Variants in AGAP1 observed in about 807,000 individuals in gnomAD.
The protein encoded by AGAP1 is ArfGAP with GTPase domain, ankyrin repeat and PH domain 1.
AGAP1 carries 29 observed loss-of-function variants against 105.3 expected under a neutral mutation model. The observed-to-expected ratio is 0.28, with a 90% CI of 0.21 to 0.38. The LOEUF is 0.38. Among genes scored for constraint, AGAP1 ranks in the 10% least tolerant of loss-of-function variants. AGAP1 has a pLI of 1.00. For synonymous variants in AGAP1, 509 were observed against 485.9 expected (o/e 1.05, Z -0.63); for missense variants, 998 against 1,165.1 (o/e 0.86, Z 2.09).
chr2:235,524,334 G>T (rs1942747025), intron 1 of AGAP1: 1 of 170,550 alleles, frequency 5.9e-6, no homozygotes, highest in Non-Finnish European at 1.4e-5. Flanking sequence ...ATCCGGTTTG[G>T]CAGGAACAGG....
At chr2:235,528,122 T>A (rs1942911141) in intron 1 of AGAP1, among the ~76,000 whole-genome samples, 1 of 152,206 alleles carries the variant, frequency 6.6e-6, no homozygotes, top group South Asian at 2.1e-4. Flanking sequence ...AGAAATTTGT[T>A]TTTAACAATA....
At chr2:235,539,363 T>C (rs1360720321) in intron 1 of AGAP1, among the ~76,000 whole-genome samples, 1 of 152,190 alleles carries the variant, frequency 6.6e-6, no homozygotes, top group East Asian at 1.9e-4. Flanking sequence ...TAGGGAGCTT[T>C]CTGATTGAAT....
chr2:235,633,337 T>G lies in AGAP1; in HGVS notation c.164-75842T>G, dbSNP rs1248704732. On this transcript the variant is annotated intron_variant, in intron 1 of 17. Transcript: ENST00000304032. This position sits in a 1 kb window ranked among gnomAD's most constrained non-coding sequence, Gnocchi z 4.8. ...GGCCGGGCGTGGTGGCTCATGCCTG[T>G]AATCCTAGCACTTTGGGAGGCCAAG... 1.3e-5 allele frequency among the ~76,000 whole-genome samples: 2 copies of G among 152,160 alleles called. No homozygotes were observed. Among genetic ancestry groups the G allele is most frequent in the Non-Finnish European group, 1.5e-5 (1 of 68,028 alleles).
chr2:236,066,928 A>G (rs1273996002), intron 16 of AGAP1, among the ~76,000 whole-genome samples: 1 of 152,212 alleles, frequency 6.6e-6, no homozygotes, highest in Non-Finnish European at 1.5e-5. Context: ...CCTGGCTACT[A>G]TCACTCAAAA....
intron 9 of AGAP1, among the ~76,000 whole-genome samples, chr2:235,813,408 C>T (rs1298846606): frequency 1.3e-5 from 2 of 152,234 alleles, no homozygotes; most frequent in Non-Finnish European, 2.9e-5. Flanking sequence ...AACAGAATGG[C>T]GTTTCCAAGA....
intron 9 of AGAP1, among the ~76,000 whole-genome samples, chr2:235,868,948 G>T (rs1009897690): frequency 3.4e-4 from 52 of 152,172 alleles, no homozygotes; most frequent in African/African-American, 1.2e-3. Context: ...CTTAAAGCAA[G>T]ATGTGCCTGC....
intron 10 of AGAP1, among the ~76,000 whole-genome samples, chr2:235,895,318 C>A (rs924859193): frequency 4.6e-5 from 7 of 150,904 alleles, no homozygotes; most frequent in African/African-American, 1.7e-4. Flanking sequence ...GATGTCCGTG[C>A]CCCTGCTCTT....
At position 235,750,279 on chromosome 2, in the gene AGAP1, G is replaced by C; in HGVS notation, c.539-75G>C. 3.1e-6 allele frequency: 5 copies of C among 1,587,432 alleles called. No homozygotes were observed. In the South Asian group the frequency reaches 4.5e-5, roughly 14 times the overall value. On this transcript the variant is annotated intron_variant, in intron 5 of 17. Transcript: ENST00000304032. This position sits in a 1 kb window ranked among gnomAD's most constrained non-coding sequence, Gnocchi z 5.3. ...CTGCTGAGTAAGGTACTGGTTTTCC[G>C]TGTTGTGGGGAGTGTAGGAAGTATT...
intron 6 of AGAP1, among the ~76,000 whole-genome samples, chr2:235,795,264 A>G (rs1006708338): frequency 6.6e-6 from 1 of 152,170 alleles, no homozygotes; most frequent in Non-Finnish European, 1.5e-5. Flanking sequence ...TTCCCCAAAC[A>G]ATTCATTTAG....
In AGAP1 at chr2:235,789,673, A is replaced by AGG. The variant is rs1956859598; in HGVS notation, c.674-8085_674-8084dup. 6.6e-6 allele frequency among the ~76,000 whole-genome samples: 1 copy of AGG among 152,144 alleles called. No homozygotes were observed. The highest frequency in any genetic ancestry group is 6.5e-5 in the Admixed American group (1 of 15,270). On this transcript the variant is annotated intron_variant, in intron 6 of 17. Transcript: ENST00000304032. The surrounding 1 kb of genome is among the most constrained non-coding windows in gnomAD (Gnocchi z 4.2). Reference sequence around the variant, plus strand: ...CATATTTTGTGCTTCGATACTCAGAAGGTAAGGCATCAAAGGATTACTTTG... The same window carrying AGG: ...CATATTTTGTGCTTCGATACTCAGAAGGGGTAAGGCATCAAAGGATTACTTTG...
intron 1 of AGAP1, among the ~76,000 whole-genome samples, chr2:235,576,499 T>C (rs1944738237): frequency 6.6e-6 from 1 of 152,214 alleles, no homozygotes; most frequent in African/African-American, 2.4e-5. Flanking sequence ...CTCCGTGTGC[T>C]GGAAGCATTG....
At chr2:235,641,986 C>T (rs1035442606) in intron 1 of AGAP1, among the ~76,000 whole-genome samples, 5 of 152,202 alleles carry the variant, frequency 3.3e-5, no homozygotes, top group South Asian at 4.1e-4. Context: ...GCATTTAAGC[C>T]GTTTACTGTT....
intron 1 of AGAP1, among the ~76,000 whole-genome samples, chr2:235,678,656 A>G (rs1156484374): frequency 2.6e-5 from 4 of 152,044 alleles, no homozygotes; most frequent in Non-Finnish European, 5.9e-5. Context: ...GTCTTCTCTC[A>G]GGGGGTAGTT....
chr2:235,917,898 C>T (rs1426763106), intron 11 of AGAP1, among the ~76,000 whole-genome samples: 2 of 152,120 alleles, frequency 1.3e-5, no homozygotes, highest in East Asian at 1.9e-4. Flanking sequence ...GACGCGGAGT[C>T]GCGAAGCTGC....
chr2:235,559,490 T>C lies in AGAP1; in HGVS notation c.163+64641T>C, dbSNP rs1944081349. Among the ~76,000 whole-genome samples, 1 of 152,174 alleles carries C rather than the reference T, an allele frequency of 6.6e-6. No homozygotes were observed. Among genetic ancestry groups the C allele is most frequent in the Admixed American group, 6.5e-5 (1 of 15,284 alleles). On this transcript the variant is annotated intron_variant, in intron 1 of 17. Transcript: ENST00000304032. This position sits in a 1 kb window ranked among gnomAD's most constrained non-coding sequence, Gnocchi z 5.7. Reference sequence around the variant, plus strand: ...GAACATTCTTCTCTAAGGTTGAAAATCAGTTTTTCATTATGTAAATAATGT... The same window carrying C: ...GAACATTCTTCTCTAAGGTTGAAAACCAGTTTTTCATTATGTAAATAATGT...
rs1947894050 is a variant in AGAP1 at position 235,659,936 on chromosome 2, G to A, written c.164-49243G>A. On this transcript the variant is annotated intron_variant, in intron 1 of 17. Transcript: ENST00000304032. The surrounding 1 kb of genome is among the most constrained non-coding windows in gnomAD (Gnocchi z 5.0). ...GGCATGGGCCCAGGCTGGTGGGGTG[G>A]GCAGGGAAGGAACAGGCCCATAGGC... is the stretch of plus-strand genomic sequence containing the variant. Among the ~76,000 whole-genome samples, 1 of 152,166 alleles carries A rather than the reference G, an allele frequency of 6.6e-6. No homozygotes were observed. Among genetic ancestry groups the A allele is most frequent in the Admixed American group, 6.5e-5 (1 of 15,278 alleles).
At position 236,092,214 on chromosome 2, in the gene AGAP1, A is replaced by C. The variant is rs2059079754; in HGVS notation, c.2115-27978A>C. Among the ~76,000 whole-genome samples the C allele has an allele frequency of 6.6e-6, 1 of 152,164 alleles. No homozygotes were observed. The highest frequency in any genetic ancestry group is 1.5e-5 in the Non-Finnish European group (1 of 68,030). On this transcript the variant is annotated intron_variant, in intron 16 of 17. Coordinates refer to ENST00000304032, the MANE Select transcript of AGAP1 (RefSeq NM_001037131.3). This position sits in a 1 kb window ranked among gnomAD's most constrained non-coding sequence, Gnocchi z 4.7. ...CATGTGACCAAATTGCATTGAACCAATTCCATGGACACATAAATACAAATG... is the reference window on the plus strand; with the variant it reads ...CATGTGACCAAATTGCATTGAACCACTTCCATGGACACATAAATACAAATG...
rs370561618 is a variant in AGAP1 at position 236,030,128 on chromosome 2, C to T, written c.1646-6433C>T. Among the ~76,000 whole-genome samples, 13 of 152,292 alleles carry T rather than the reference C, an allele frequency of 8.5e-5. No homozygotes were observed. The East Asian group carries it at 1.5e-3, about 18-fold the overall frequency. Reference sequence around the variant, plus strand: ...TTGAGGATATCATTCCACTATCTGGCGACTCTCACTGTTACTCTTAAGAAG... The same window carrying T: ...TTGAGGATATCATTCCACTATCTGGTGACTCTCACTGTTACTCTTAAGAAG... On this transcript the variant is annotated intron_variant, in intron 13 of 17. Transcript: ENST00000304032.
rs141493556 is a variant in AGAP1, at chr2:235,718,494, A to T, written c.310+850A>T. On this transcript the variant is annotated intron_variant, in intron 3 of 17. Coordinates refer to ENST00000304032, the MANE Select transcript of AGAP1 (RefSeq NM_001037131.3). Reference sequence around the variant, plus strand: ...GTTCCCTTCCCTCCTTGTTCTGTGTACCATCCTGTTTTGTTTCATTTTATC... The same window carrying T: ...GTTCCCTTCCCTCCTTGTTCTGTGTTCCATCCTGTTTTGTTTCATTTTATC... 3.4e-4 allele frequency: 244 copies of T among 716,580 alleles called. 3 individuals are homozygous for T. The East Asian group carries it at 0.019, about 56-fold the overall frequency. 44.4% of individuals were successfully genotyped at this position (716,580 alleles called of 1,614,324 possible).
Sources: gnomAD v4.1 joint callset for allele counts (sites outside exome capture counted in the v4.1 genomes callset) on GRCh38, gnomAD v4.1.1 for gene constraint, Gnocchi (gnomAD v3.1) non-coding constraint, MANE v1.5 for transcripts, NCBI Gene and HGNC (gene_info 2026-07-23, HGNC 2026-07-21) for gene names.